Variants in MTCL2 observed in about 807,000 individuals in gnomAD.
MTCL2 encodes the protein microtubule crosslinking factor 2, also known as microtubule cross-linking factor 2.
the MTCL2 span, among the ~76,000 whole-genome samples, chr20:36,841,273 C>G: frequency 6.7e-6 from 1 of 150,062 alleles, no homozygotes; most frequent in Non-Finnish European, 1.5e-5. Context: ...GCAGAGGATG[C>G]AGTGAGCCGA....
the MTCL2 span, chr20:36,784,095 G>A: frequency 2.0e-6 from 2 of 985,610 alleles, no homozygotes; most frequent in Middle Eastern, 5.2e-4. Flanking sequence ...CAGGTCCCAC[G>A]GGGATTTCTC....
chr20:36,808,231 C>G, the MTCL2 span, among the ~76,000 whole-genome samples: 1 of 151,622 alleles, frequency 6.6e-6, no homozygotes, highest in South Asian at 2.1e-4. Context: ...TGGCATGTGC[C>G]TGTAATCCCA....
At chr20:36,815,131 A>G in the MTCL2 span, 3 of 1,582,482 alleles carry the variant, frequency 1.9e-6, no homozygotes, top group African/African-American at 2.7e-5. This position sits in a 1 kb window ranked among gnomAD's most constrained non-coding sequence, Gnocchi z 5.3. Context: ...CTTACCTGAA[A>G]GTCTGAGCCA....
At chr20:36,785,392 C>T in the MTCL2 span, 1 of 983,798 alleles carries the variant, frequency 1.0e-6, no homozygotes, top group Non-Finnish European at 1.2e-6. Context: ...AAGTAAACCA[C>T]CTTAAATATT....
At chr20:36,786,617 A>G in the MTCL2 span, 1 of 1,550,576 alleles carries the variant, frequency 6.4e-7, no homozygotes, top group Non-Finnish European at 8.7e-7. Context: ...GAGACTGGGT[A>G]CTACAGTCAC....
the MTCL2 span, chr20:36,862,594 A>T: frequency 7.2e-7 from 1 of 1,391,938 alleles, no homozygotes; most frequent in Non-Finnish European, 9.4e-7. Flanking sequence ...CTGGTGCCTC[A>T]GGCCCGCGGG....
the MTCL2 span, chr20:36,783,658 A>G: frequency 1.7e-6 from 1 of 589,912 alleles, no homozygotes; most frequent in South Asian, 7.5e-5. Context: ...GAAGGGCAGC[A>G]TTCCTTCTTG....
the MTCL2 span, among the ~76,000 whole-genome samples, chr20:36,821,181 AT>A: frequency 6.1e-3 from 928 of 152,336 alleles, 11 homozygotes; most frequent in African/African-American, 0.022. Flanking sequence ...TGCTTTTCTA[AT>A]GATATTTTTG....
chr20:36,816,019 G>T, the MTCL2 span: 1 of 1,613,470 alleles, frequency 6.2e-7, no homozygotes, highest in Non-Finnish European at 8.5e-7. Context: ...ATCTCAGCCC[G>T]CAGGCCTCGG....
At chr20:36,826,975 T>C in the MTCL2 span, among the ~76,000 whole-genome samples, 1 of 152,166 alleles carries the variant, frequency 6.6e-6, no homozygotes, top group Admixed American at 6.5e-5. Context: ...CATAATCTTA[T>C]TAATGATCCT....
chr20:36,836,214 G>A, the MTCL2 span, among the ~76,000 whole-genome samples: 4 of 151,584 alleles, frequency 2.6e-5, no homozygotes, highest in African/African-American at 9.7e-5. Context: ...TCGCTCTGTC[G>A]CCCAGGCTGG....
At chr20:36,816,792 C>T in the MTCL2 span, among the ~76,000 whole-genome samples, 1 of 152,174 alleles carries the variant, frequency 6.6e-6, no homozygotes, top group Admixed American at 6.5e-5. Flanking sequence ...GCTCCAATCA[C>T]ATGGCAGTCA....
chr20:36,810,150 G>A, the MTCL2 span: 8 of 1,550,546 alleles, frequency 5.2e-6, no homozygotes, highest in Middle Eastern at 1.7e-4. Flanking sequence ...GAGGGAGAGA[G>A]AGGAAGAAGT....
the MTCL2 span, among the ~76,000 whole-genome samples, chr20:36,797,319 G>A: frequency 6.7e-6 from 1 of 149,704 alleles, no homozygotes; most frequent in Non-Finnish European, 1.5e-5. Flanking sequence ...GGGTGGTTGG[G>A]TTTTTTTTTT....
At chr20:36,790,428 C>CTT in the MTCL2 span, among the ~76,000 whole-genome samples, 238 of 101,126 alleles carry the variant, frequency 2.4e-3, 4 homozygotes, top group African/African-American at 9.3e-3. Flanking sequence ...ACGCCTGGCC[C>CTT]TTTTTTTTTT....
At chr20:36,828,906 T>G in the MTCL2 span, 1 of 804,488 alleles carries the variant, frequency 1.2e-6, no homozygotes, top group South Asian at 1.9e-5. Context: ...AAATGCATGT[T>G]GGAGGAATGA....
chr20:36,804,697 G>A, the MTCL2 span: 1 of 1,603,938 alleles, frequency 6.2e-7, no homozygotes, highest in East Asian at 2.2e-5. Flanking sequence ...GCTTGGCTGA[G>A]AGTAAGGGGA....
chr20:36,799,792 A>G, the MTCL2 span, among the ~76,000 whole-genome samples: 3 of 152,358 alleles, frequency 2.0e-5, no homozygotes, highest in South Asian at 2.1e-4. Flanking sequence ...GATGAAGACC[A>G]TAGAATCAAA....
chr20:36,862,725 A>G, the MTCL2 span: 1 of 1,496,906 alleles, frequency 6.7e-7, no homozygotes, highest in South Asian at 1.3e-5. Flanking sequence ...CCCGCAGTCC[A>G]GCATCTCCTC....
Sources: allele counts gnomAD v4.1 joint callset (sites outside exome capture counted in the v4.1 genomes callset), GRCh38; gene constraint gnomAD v4.1.1; non-coding constraint Gnocchi (gnomAD v3.1); transcripts MANE v1.5; gene names NCBI Gene and HGNC (gene_info 2026-07-23, HGNC 2026-07-21).